Variants in NOPCHAP1 observed in about 807,000 individuals in gnomAD.
NOPCHAP1 encodes the protein DNA damage-sensitive RNA 1.
A neutral mutation model predicts 14.0 loss-of-function variants in NOPCHAP1; 13 were observed. The ratio of observed to expected loss-of-function variants is 0.93; its 90% CI spans 0.60 to 1.47. The LOEUF is 1.47. NOPCHAP1 is among the 40% of genes most tolerant of loss of function. The pLI is 0.00. For missense variants in NOPCHAP1, 230 were observed against 226.9 expected (o/e 1.01, Z -0.09); for synonymous variants, 78 against 78.4 (o/e 1.00, Z 0.03).
chr12:104,994,004 C>A (rs1007404691), intron 3 of NOPCHAP1, among the ~76,000 whole-genome samples: 1 of 152,110 alleles, frequency 6.6e-6, no homozygotes, highest in Non-Finnish European at 1.5e-5. Flanking sequence ...TTATGACAGA[C>A]CCTGGTAACT....
At chr12:104,993,954 A>G (rs1292836677) in intron 3 of NOPCHAP1, among the ~76,000 whole-genome samples, 1 of 152,240 alleles carries the variant, frequency 6.6e-6, no homozygotes, top group Non-Finnish European at 1.5e-5. Context: ...ATTGGGCCGT[A>G]GCAGATATTT....
rs1873562445 is a variant in NOPCHAP1 at position 104,999,280 on chromosome 12, A to C, written c.*4584A>C. 6.6e-6 allele frequency: 1 copy of C among 152,512 alleles called. No homozygotes were observed. The highest frequency in any genetic ancestry group is 2.1e-4 in the South Asian group (1 of 4,836). The allele number at this position is 152,512 out of a possible 1,614,324, so 9.4% of individuals were successfully genotyped here. On this transcript the variant is annotated 3_prime_UTR_variant, in exon 4 of 4. Transcript: ENST00000552951. ...GGCAAGGTGCCATGGGGGAGTCTGC[A>C]GTGGGAGGAGAGAGTGGGATCAGGT...
Position 105,014,930 on chromosome 12 carries a change from GA to G in NOPCHAP1, c.*20235del, listed in dbSNP as rs1182084778. The G allele has an allele frequency of 6.6e-6, 1 of 152,182 alleles. No homozygotes were observed. Among genetic ancestry groups the G allele is most frequent in the Non-Finnish European group, 1.5e-5 (1 of 68,032 alleles). The allele number at this position is 152,182 out of a possible 1,614,324, so 9.4% of individuals were successfully genotyped here. On this transcript the variant is annotated 3_prime_UTR_variant, in exon 4 of 4. Transcript: ENST00000552951. ...ATGAGCCTGACTTTTGCTCAGGAAA[GA>G]GGCCTGAGAATTTAAGGACTATCTG...
rs1020272022 is a variant in NOPCHAP1, at chr12:105,014,153, G to A, written c.*19457G>A. ...ATTACAGTACTAGAGTTAATTTTATGCAGTTATGATTTAATACTGTGTCTT... is the reference window on the plus strand; with the variant it reads ...ATTACAGTACTAGAGTTAATTTTATACAGTTATGATTTAATACTGTGTCTT... On this transcript the variant is annotated 3_prime_UTR_variant, in exon 4 of 4. Coordinates refer to ENST00000552951, the MANE Select transcript of NOPCHAP1 (RefSeq NM_152318.3). The A allele has an allele frequency of 6.6e-6, 1 of 152,186 alleles. No homozygotes were observed. Among genetic ancestry groups the A allele is most frequent in the Admixed American group, 6.5e-5 (1 of 15,282 alleles). 9.4% of individuals were successfully genotyped at this position (152,186 alleles called of 1,614,324 possible).
Position 104,995,868 on chromosome 12 carries a change from T to G in NOPCHAP1, c.*1172T>G, listed in dbSNP as rs1352449287. The G allele has an allele frequency of 1.3e-5, 2 of 152,102 alleles. No individual in the cohort carries two copies. Among genetic ancestry groups the G allele is most frequent in the Non-Finnish European group, 2.9e-5 (2 of 68,152 alleles). 9.4% of individuals were successfully genotyped at this position (152,102 alleles called of 1,614,324 possible). ...GCTAATTTTTTTTTTTTTTGTATTT[T>G]TAGTAGAGACGGGATTTCACCGTGT... On this transcript the variant is annotated 3_prime_UTR_variant, in exon 4 of 4. Coordinates refer to ENST00000552951, the MANE Select transcript of NOPCHAP1 (RefSeq NM_152318.3).
chr12:104,995,889 C>G lies in NOPCHAP1; in HGVS notation c.*1193C>G, dbSNP rs531219721. 6.6e-6 allele frequency: 1 copy of G among 151,882 alleles called. No homozygotes were observed. Among genetic ancestry groups the G allele is most frequent in the Non-Finnish European group, 1.5e-5 (1 of 68,046 alleles). 9.4% of individuals were successfully genotyped at this position (151,882 alleles called of 1,614,324 possible). A position where few individuals can be genotyped will look rare whatever the true frequency, so the allele number is the denominator to read the frequency against. ...ATTTTTAGTAGAGACGGGATTTCAC[C>G]GTGTTAGCCAGGATGGTCTCAATCT... is the stretch of plus-strand genomic sequence containing the variant. On this transcript the variant is annotated 3_prime_UTR_variant, in exon 4 of 4. Coordinates refer to ENST00000552951, the MANE Select transcript of NOPCHAP1 (RefSeq NM_152318.3).
rs1359671056 is a variant in NOPCHAP1, at chr12:105,001,869, T to C, written c.*7173T>C. The C allele has an allele frequency of 5.3e-5, 8 of 152,226 alleles. No homozygotes were observed. The highest frequency in any genetic ancestry group is 8.8e-5 in the Non-Finnish European group (6 of 68,032). The allele number at this position is 152,226 out of a possible 1,614,324, so 9.4% of individuals were successfully genotyped here. A position where few individuals can be genotyped will look rare whatever the true frequency, so the allele number is the denominator to read the frequency against. ...AAGATTTTTCATTTGTTTTAACTTT[T>C]GTTTTTCCATGTTTATTTCTTTTCT... is the stretch of plus-strand genomic sequence containing the variant. On this transcript the variant is annotated 3_prime_UTR_variant, in exon 4 of 4. Transcript: ENST00000552951.
In NOPCHAP1 at chr12:105,009,133, T is replaced by C. The variant is rs1208211846; in HGVS notation, c.*14437T>C. The C allele has an allele frequency of 6.6e-6, 1 of 152,218 alleles. No homozygotes were observed. The highest frequency in any genetic ancestry group is 1.5e-5 in the Non-Finnish European group (1 of 68,052). 9.4% of individuals were successfully genotyped at this position (152,218 alleles called of 1,614,324 possible). ...TCCATGAGCATGGAATGTTTTTCCATTTGTTTGTGTCCTCTCTGATTTCTT... is the reference window on the plus strand; with the variant it reads ...TCCATGAGCATGGAATGTTTTTCCACTTGTTTGTGTCCTCTCTGATTTCTT... On this transcript the variant is annotated 3_prime_UTR_variant, in exon 4 of 4. Transcript: ENST00000552951.
At chr12:104,992,742 A>C (rs1445726990) in intron 3 of NOPCHAP1, among the ~76,000 whole-genome samples, 1 of 152,080 alleles carries the variant, frequency 6.6e-6, no homozygotes, top group Non-Finnish European at 1.5e-5. Flanking sequence ...TTCCAAAAGG[A>C]GCGTGAACCC....
Position 104,994,839 on chromosome 12 carries a change from A to T in NOPCHAP1, c.*143A>T, listed in dbSNP as rs11112288. On this transcript the variant is annotated 3_prime_UTR_variant, in exon 4 of 4. Transcript: ENST00000552951. The stretch of plus-strand genomic sequence containing the variant: ...ACTTTAGACAAGTTAAATTTGACAG[A>T]GTTTCTTTGGGCAAAGAATGATTAA... 0.076 allele frequency: 54,981 copies of T among 727,948 alleles called. 2,281 individuals are homozygous for T. Among genetic ancestry groups the T allele is most frequent in the Middle Eastern group, 0.096 (248 of 2,582 alleles). The allele number at this position is 727,948 out of a possible 1,614,324, so 45.1% of individuals were successfully genotyped here.
rs909625334 is a variant in NOPCHAP1, at chr12:105,015,212, A to T, written c.*20516A>T. On this transcript the variant is annotated 3_prime_UTR_variant, in exon 4 of 4. Transcript: ENST00000552951. ...GCTGGAAAGAGTACACCAGAACTGT[A>T]CACAGCCGTGATGAGTTATTGGCAT... is the stretch of plus-strand genomic sequence containing the variant. 2.0e-5 allele frequency: 3 copies of T among 152,214 alleles called. No individual in the cohort carries two copies. The highest frequency in any genetic ancestry group is 7.2e-5 in the African/African-American group (3 of 41,454). 9.4% of individuals were successfully genotyped at this position (152,214 alleles called of 1,614,324 possible).
In NOPCHAP1 at chr12:104,999,880, C is replaced by T; in HGVS notation, c.*5184C>T. The T allele has an allele frequency of 6.6e-6, 1 of 152,296 alleles. No homozygotes were observed. Among genetic ancestry groups the T allele is most frequent in the East Asian group, 1.9e-4 (1 of 5,202 alleles). The allele number at this position is 152,296 out of a possible 1,614,324, so 9.4% of individuals were successfully genotyped here. On this transcript the variant is annotated 3_prime_UTR_variant, in exon 4 of 4. Coordinates refer to ENST00000552951, the MANE Select transcript of NOPCHAP1 (RefSeq NM_152318.3). ...CAGGGTTCCCCGCTTCCTCCCTCTT[C>T]AGCCCAGCATCTGTGTCTTCCCTTC...
chr12:105,014,074 A>T lies in NOPCHAP1; in HGVS notation c.*19378A>T, dbSNP rs1363947040. 6.6e-6 allele frequency: 1 copy of T among 152,236 alleles called. No individual in the cohort carries two copies. The highest frequency in any genetic ancestry group is 1.5e-5 in the Non-Finnish European group (1 of 68,036). The allele number at this position is 152,236 out of a possible 1,614,324, so 9.4% of individuals were successfully genotyped here. A position where few individuals can be genotyped will look rare whatever the true frequency, so the allele number is the denominator to read the frequency against. The stretch of plus-strand genomic sequence containing the variant: ...ATTAGTGTCACATGGTATCGTGAGT[A>T]GATACTTGCAACACGAGCTCATCGC... On this transcript the variant is annotated 3_prime_UTR_variant, in exon 4 of 4. Transcript: ENST00000552951.
Position 104,994,689 on chromosome 12 carries a change from AG to A in NOPCHAP1, c.552del (p.Lys185AsnfsTer12). The part of the protein sequence containing the change: ...EVLDSPASKK[K>X]K ...TTGGACAGTCCAGCAAGTAAAAAAA[AG>A]AAATAGTCAAATAAATTATCTGAAA... On this transcript the variant is annotated frameshift_variant, in exon 4 of 4. Coordinates refer to ENST00000552951, the MANE Select transcript of NOPCHAP1 (RefSeq NM_152318.3). LOFTEE classifies it high-confidence loss of function. The A allele has an allele frequency of 4.4e-6, 7 of 1,601,224 alleles. No homozygotes were observed. Among genetic ancestry groups the A allele is most frequent in the Non-Finnish European group, 6.0e-6 (7 of 1,173,202 alleles).
rs1377976535 is a variant in NOPCHAP1 at position 104,996,218 on chromosome 12, A to G, written c.*1522A>G. 6.6e-6 allele frequency: 1 copy of G among 152,134 alleles called. No homozygotes were observed. The highest frequency in any genetic ancestry group is 1.9e-4 in the East Asian group (1 of 5,190). The allele number at this position is 152,134 out of a possible 1,614,324, so 9.4% of individuals were successfully genotyped here. Reference sequence around the variant, plus strand: ...CAGGCAGACCCTCTGAGGCTGGAAAAGAGGGCTACCTAGTGGTATTTGAGC... The same window carrying G: ...CAGGCAGACCCTCTGAGGCTGGAAAGGAGGGCTACCTAGTGGTATTTGAGC... On this transcript the variant is annotated 3_prime_UTR_variant, in exon 4 of 4. Transcript: ENST00000552951.
At position 105,016,245 on chromosome 12, in the gene NOPCHAP1, G is replaced by A. The variant is rs532406152; in HGVS notation, c.*21549G>A. 4 of 152,170 alleles carry A rather than the reference G, an allele frequency of 2.6e-5. No individual in the cohort carries two copies. In the South Asian group the frequency reaches 8.3e-4, roughly 32 times the overall value. 9.4% of individuals were successfully genotyped at this position (152,170 alleles called of 1,614,324 possible). On this transcript the variant is annotated 3_prime_UTR_variant, in exon 4 of 4. Coordinates refer to ENST00000552951, the MANE Select transcript of NOPCHAP1 (RefSeq NM_152318.3). ...ATGAAGAAGTAATTCACAGAAAAAGGGTCAACTCCATTTATCAGAGAAATG... is the reference window on the plus strand; with the variant it reads ...ATGAAGAAGTAATTCACAGAAAAAGAGTCAACTCCATTTATCAGAGAAATG...
At chr12:104,989,901 T>A (rs1565938379) in intron 2 of NOPCHAP1, among the ~76,000 whole-genome samples, 1 of 152,230 alleles carries the variant, frequency 6.6e-6, no homozygotes, top group Non-Finnish European at 1.5e-5. Flanking sequence ...TCAAATGTAT[T>A]TTTTCAAGGT....
rs553440341 is a variant in NOPCHAP1 at position 105,009,448 on chromosome 12, C to G, written c.*14752C>G. ...ACTTCCTCTCTTCCTATTTTTATACCCTTTATTTCTTTCTCTTGCCTGCTT... is the reference window on the plus strand; with the variant it reads ...ACTTCCTCTCTTCCTATTTTTATACGCTTTATTTCTTTCTCTTGCCTGCTT... On this transcript the variant is annotated 3_prime_UTR_variant, in exon 4 of 4. Coordinates refer to ENST00000552951, the MANE Select transcript of NOPCHAP1 (RefSeq NM_152318.3). 3.3e-5 allele frequency: 5 copies of G among 152,150 alleles called. No individual in the cohort carries two copies. Among genetic ancestry groups the G allele is most frequent in the Admixed American group, 6.5e-5 (1 of 15,280 alleles). The allele number at this position is 152,150 out of a possible 1,614,324, so 9.4% of individuals were successfully genotyped here. A position where few individuals can be genotyped will look rare whatever the true frequency, so the allele number is the denominator to read the frequency against.
chr12:105,016,139 CAG>C lies in NOPCHAP1; in HGVS notation c.*21446_*21447del, dbSNP rs1283429013. ...ACTGGGGAAAATATCTGAAACATGACAGAGTGTCATTAATATATCATGGGCTT... is the reference window on the plus strand; with the variant it reads ...ACTGGGGAAAATATCTGAAACATGACAGTGTCATTAATATATCATGGGCTT... On this transcript the variant is annotated 3_prime_UTR_variant, in exon 4 of 4. Transcript: ENST00000552951. 3 of 151,716 alleles carry C rather than the reference CAG, an allele frequency of 2.0e-5. No homozygotes were observed. The highest frequency in any genetic ancestry group is 2.0e-4 in the Admixed American group (3 of 15,230). The allele number at this position is 151,716 out of a possible 1,614,324, so 9.4% of individuals were successfully genotyped here. A position where few individuals can be genotyped will look rare whatever the true frequency, so the allele number is the denominator to read the frequency against.
Sources: gnomAD v4.1 joint callset for allele counts (sites outside exome capture counted in the v4.1 genomes callset) on GRCh38, gnomAD v4.1.1 for gene constraint, MANE v1.5 for transcripts, NCBI Gene and HGNC (gene_info 2026-07-23, HGNC 2026-07-21) for gene names.